Variants in FYN observed in about 807,000 individuals in gnomAD.
FYN encodes tyrosine-protein kinase Fyn.
FYN carries 10 observed loss-of-function variants against 70.2 expected under a neutral mutation model. That is an observed-to-expected ratio of 0.14 (90% CI 0.09 to 0.24). The LOEUF is 0.24. Ranked by LOEUF, FYN falls within the 10% of genes least tolerant of loss-of-function variation. FYN has a pLI of 1.00. For synonymous variants in FYN, 236 were observed against 248.6 expected (o/e 0.95, Z 0.48); for missense variants, 319 against 673.1 (o/e 0.47, Z 5.82).
At chr6:111,805,595 C>T (rs930587903) in intron 2 of FYN, among the ~76,000 whole-genome samples, 3 of 152,104 alleles carry the variant, frequency 2.0e-5, no homozygotes, top group Non-Finnish European at 4.4e-5. Flanking sequence ...CCTTTCTGCT[C>T]CTCCTATCGG....
chr6:111,729,398 A>G (rs532915082), intron 3 of FYN, among the ~76,000 whole-genome samples: 1 of 151,582 alleles, frequency 6.6e-6, no homozygotes, highest in African/African-American at 2.4e-5. Flanking sequence ...CGCTTGAACC[A>G]GGAAAGCAGA....
At chr6:111,708,051 G>T in intron 5 of FYN, 31 bp from the exon 6 acceptor site, 2 of 1,543,332 alleles carry the variant, frequency 1.3e-6, no homozygotes, top group South Asian at 2.2e-5. Context: ...TAAATATGTT[G>T]ACCATTTCAA....
intron 3 of FYN, among the ~76,000 whole-genome samples, chr6:111,733,160 T>A (rs1046524912): frequency 5.3e-5 from 8 of 152,180 alleles, no homozygotes; most frequent in Non-Finnish European, 1.2e-4. Flanking sequence ...TAAGGCAAGT[T>A]AGTAGGATAA....
At chr6:111,774,415 G>C (rs1803624152) in intron 3 of FYN, among the ~76,000 whole-genome samples, 1 of 152,138 alleles carries the variant, frequency 6.6e-6, no homozygotes, top group Non-Finnish European at 1.5e-5. Context: ...TTCTCCATAG[G>C]GGTGCTATGA....
intron 2 of FYN, among the ~76,000 whole-genome samples, chr6:111,814,658 T>G (rs1219046089): frequency 6.6e-6 from 1 of 152,198 alleles, no homozygotes; most frequent in Non-Finnish European, 1.5e-5. Flanking sequence ...AAAGATATTT[T>G]CAAGGATCAA....
intron 3 of FYN, among the ~76,000 whole-genome samples, chr6:111,752,871 G>A (rs1583407355): frequency 6.6e-6 from 1 of 152,298 alleles, no homozygotes; most frequent in Admixed American, 6.5e-5. Context: ...GTGGTGGTGA[G>A]GGTGGGATGG....
At chr6:111,856,553 A>G (rs1773828532) in intron 1 of FYN, among the ~76,000 whole-genome samples, 1 of 152,170 alleles carries the variant, frequency 6.6e-6, no homozygotes. Flanking sequence ...CTATATGGAC[A>G]TATGTTTTTA....
At chr6:111,691,772 CCT>C (rs1215527165) in intron 12 of FYN, among the ~76,000 whole-genome samples, 1 of 152,188 alleles carries the variant, frequency 6.6e-6, no homozygotes, top group South Asian at 2.1e-4. Flanking sequence ...TATGACTAAT[CCT>C]CTCTATCTTT....
intron 3 of FYN, among the ~76,000 whole-genome samples, chr6:111,776,843 G>C (rs140266642): frequency 1.3e-3 from 193 of 152,238 alleles, no homozygotes; most frequent in African/African-American, 4.4e-3. Flanking sequence ...AGCCATATTA[G>C]GCTACAAAAG....
intron 2 of FYN, among the ~76,000 whole-genome samples, chr6:111,784,214 A>C (rs1206837308): frequency 6.6e-6 from 1 of 152,142 alleles, no homozygotes; most frequent in Non-Finnish European, 1.5e-5. Flanking sequence ...AGGTTACTGC[A>C]TTAGGTTGGC....
At chr6:111,829,609 A>G (rs1438449672) in intron 2 of FYN, among the ~76,000 whole-genome samples, 2 of 152,134 alleles carry the variant, frequency 1.3e-5, no homozygotes, top group Non-Finnish European at 2.9e-5. Context: ...AAACAGGGAG[A>G]CTGGGAGAAT....
chr6:111,668,091 G>C (rs1027283456), intron 13 of FYN, among the ~76,000 whole-genome samples: 3 of 152,248 alleles, frequency 2.0e-5, no homozygotes, highest in Admixed American at 1.3e-4. Context: ...CTGTTGAGCA[G>C]TGCTGTGCTG....
intron 2 of FYN, among the ~76,000 whole-genome samples, chr6:111,783,109 G>C (rs943369171): frequency 2.0e-5 from 3 of 152,172 alleles, no homozygotes; most frequent in Admixed American, 6.5e-5. Flanking sequence ...TTCCTGAACA[G>C]CTGCAGCTCA....
chr6:111,778,551 CT>C (rs1301303360), intron 3 of FYN, among the ~76,000 whole-genome samples: 2 of 151,654 alleles, frequency 1.3e-5, no homozygotes, highest in Non-Finnish European at 2.9e-5. Context: ...TTCTTTTTTT[CT>C]TTTTTCTTTC....
chr6:111,773,515 GGGT>G (rs1803551961), intron 3 of FYN, among the ~76,000 whole-genome samples: 1 of 75,978 alleles, frequency 1.3e-5, no homozygotes, highest in African/African-American at 5.7e-5. Context: ...GAGGGAGAGC[GGGT>G]GAGAGAGAGG....
intron 3 of FYN, among the ~76,000 whole-genome samples, chr6:111,779,368 C>A (rs2128505956): frequency 6.6e-6 from 1 of 152,118 alleles, no homozygotes; most frequent in South Asian, 2.1e-4. Context: ...CCTGTGAAGG[C>A]TACGTAATAA....
At chr6:111,831,087 T>C (rs1368358548) in intron 2 of FYN, among the ~76,000 whole-genome samples, 3 of 152,186 alleles carry the variant, frequency 2.0e-5, no homozygotes, top group African/African-American at 7.2e-5. Context: ...CGTATACATG[T>C]ACAGGTTTCT....
In FYN at chr6:111,661,663, T is replaced by G; in HGVS notation, c.*76A>C. On this transcript the variant is annotated 3_prime_UTR_variant, in exon 14 of 14. Coordinates refer to ENST00000354650, the MANE Select transcript of FYN (RefSeq NM_002037.5). This position sits in a 1 kb window ranked among gnomAD's most constrained non-coding sequence, Gnocchi z 4.0. ...GGCGGTTCCGCTGCTGGGGAGCAGC[T>G]GGCTACGGAATTGAAAGCTAATGGG... 2.2e-6 allele frequency: 3 copies of G among 1,390,088 alleles called. No individual in the cohort carries two copies. In the South Asian group the frequency reaches 3.9e-5, roughly 18 times the overall value. 86.1% of individuals were successfully genotyped at this position (1,390,088 alleles called of 1,614,324 possible).
chr6:111,675,648 C>T (rs1417218801), intron 12 of FYN, among the ~76,000 whole-genome samples: 2 of 151,828 alleles, frequency 1.3e-5, no homozygotes, highest in East Asian at 3.9e-4. Context: ...CAAAAATTAG[C>T]CAGGCATGGT....
Sources: allele counts gnomAD v4.1 joint callset (sites outside exome capture counted in the v4.1 genomes callset), GRCh38; gene constraint gnomAD v4.1.1; non-coding constraint Gnocchi (gnomAD v3.1); transcripts MANE v1.5; gene names NCBI Gene and HGNC (gene_info 2026-07-23, HGNC 2026-07-21).